Variants in VEPH1 observed in about 807,000 individuals in gnomAD.
VEPH1 encodes ventricular zone-expressed PH domain-containing protein homolog 1.
Under a neutral mutation model 85.2 loss-of-function variants are expected in VEPH1, and 80 were observed. The observed-to-expected ratio is 0.94, with a 90% CI of 0.78 to 1.13. VEPH1 has a LOEUF of 1.13. Among genes scored for constraint, VEPH1 ranks in the 50% most tolerant of loss-of-function variants. The pLI, the probability that VEPH1 is intolerant of heterozygous loss-of-function variation, is 0.00. For synonymous variants in VEPH1, 297 were observed against 348.0 expected (o/e 0.85, Z 1.63); for missense variants, 955 against 980.5 (o/e 0.97, Z 0.35).
chr3:157,479,688 C>G (rs1040954558), intron 2 of VEPH1, among the ~76,000 whole-genome samples: 5 of 152,204 alleles, frequency 3.3e-5, no homozygotes, highest in Admixed American at 2.0e-4. Context: ...CATCAGAATG[C>G]CCATGCTAAG....
chr3:157,388,116 G>A (rs968333392), intron 6 of VEPH1, among the ~76,000 whole-genome samples: 5 of 151,788 alleles, frequency 3.3e-5, no homozygotes, highest in Non-Finnish European at 7.4e-5. Flanking sequence ...ACTCTTTGAA[G>A]TCTCTACACA....
At chr3:157,342,692 G>A (rs1051634057) in intron 9 of VEPH1, among the ~76,000 whole-genome samples, 6 of 152,194 alleles carry the variant, frequency 3.9e-5, no homozygotes, top group Non-Finnish European at 5.9e-5. Context: ...GACATCTACA[G>A]AATTCTCCAC....
chr3:157,433,759 T>C (rs1733345370), intron 4 of VEPH1, among the ~76,000 whole-genome samples: 1 of 152,224 alleles, frequency 6.6e-6, no homozygotes, highest in Non-Finnish European at 1.5e-5. Flanking sequence ...AGCACATTCC[T>C]GAACACTCTA....
chr3:157,363,378 T>G lies in VEPH1; in HGVS notation c.1721A>C (p.Gln574Pro). 6.2e-7 allele frequency: 1 copy of G among 1,605,250 alleles called. No individual in the cohort carries two copies. The highest frequency in any genetic ancestry group is 8.5e-7 in the Non-Finnish European group (1 of 1,177,642). ...ACAACACTTACCTTCAATGGTACAC[T>G]GATCAGGGACTGGAATCTTCTTTCC... Reference protein sequence around the residue: ...EIGKKIPVPDQCTIEDTVRSC... With the variant: ...EIGKKIPVPDPCTIEDTVRSC... Residue 574 changes from glutamine to proline, a missense_variant, in exon 9 of 14, where the codon CAG becomes CCG. Gln to Pro is a moderately conservative substitution (Grantham distance 76). Transcript: ENST00000362010.
At chr3:157,439,893 G>A (rs1464658141) in intron 4 of VEPH1, among the ~76,000 whole-genome samples, 1 of 152,138 alleles carries the variant, frequency 6.6e-6, no homozygotes, top group Non-Finnish European at 1.5e-5. Context: ...TGGGACTACA[G>A]GTGCTCGCCA....
At chr3:157,434,515 G>A (rs968734277) in intron 4 of VEPH1, among the ~76,000 whole-genome samples, 3 of 152,134 alleles carry the variant, frequency 2.0e-5, no homozygotes, top group Middle Eastern at 3.4e-3. Flanking sequence ...GTCTTGCTAT[G>A]TTGATCAGGC....
chr3:157,294,261 C>T (rs1418813469), intron 11 of VEPH1, among the ~76,000 whole-genome samples: 1 of 152,156 alleles, frequency 6.6e-6, no homozygotes. Flanking sequence ...TTCCTTTATC[C>T]CTAATACCAC....
At chr3:157,424,133 C>T (rs767219737) in intron 5 of VEPH1, among the ~76,000 whole-genome samples, 70 of 152,090 alleles carry the variant, frequency 4.6e-4, no homozygotes, top group Non-Finnish European at 8.4e-4. Context: ...GGGGAAGTTT[C>T]CCCCAAACTG....
At chr3:157,375,168 G>C (rs1727946126) in intron 7 of VEPH1, among the ~76,000 whole-genome samples, 2 of 152,214 alleles carry the variant, frequency 1.3e-5, no homozygotes, top group Non-Finnish European at 2.9e-5. Flanking sequence ...AGAGGGGAAA[G>C]CTCCTAGCAC....
chr3:157,291,114 A>G (rs771444755), intron 11 of VEPH1, among the ~76,000 whole-genome samples: 5 of 152,232 alleles, frequency 3.3e-5, no homozygotes, highest in Admixed American at 6.5e-5. Context: ...GATACAAAAC[A>G]TAGGATTGCC....
intron 11 of VEPH1, among the ~76,000 whole-genome samples, chr3:157,303,827 G>C (rs528785897): frequency 6.6e-6 from 1 of 151,864 alleles, no homozygotes; most frequent in East Asian, 1.9e-4. Flanking sequence ...TCCTGGTTCT[G>C]AGCTCATAGC....
At position 157,466,373 on chromosome 3, in the gene VEPH1, C is replaced by T. The variant is rs183724190; in HGVS notation, c.354+3941G>A. 7.9e-5 allele frequency among the ~76,000 whole-genome samples: 12 copies of T among 152,214 alleles called. No homozygotes were observed. In the East Asian group the frequency reaches 1.4e-3, roughly 17 times the overall value. ...TAATAAAAGATCCTCTTCATGTGCA[C>T]CTACCACCACCAATTGGAAGTACTA... On this transcript the variant is annotated intron_variant, in intron 3 of 13. Coordinates refer to ENST00000362010, the MANE Select transcript of VEPH1 (RefSeq NM_001167912.2).
At position 157,272,374 on chromosome 3, in the gene VEPH1, CTTTTCTTTCTTTCTTT is replaced by C. The variant is rs1343365029; in HGVS notation, c.2129-6728_2129-6713del. Reference sequence around the variant, plus strand: ...TCTCTCTCTTTCTTTCTTTCTCTTTCTTTTCTTTCTTTCTTTCTTTCTTTCTTTCTTTCTTTCTTTC... The same window carrying C: ...TCTCTCTCTTTCTTTCTTTCTCTTTCCTTTCTTTCTTTCTTTCTTTCTTTC... On this transcript the variant is annotated intron_variant, in intron 12 of 13. Transcript: ENST00000362010. Among the ~76,000 whole-genome samples the C allele has an allele frequency of 1.8e-3, 157 of 89,070 alleles. 3 individuals carry two copies. Among genetic ancestry groups the C allele is most frequent in the African/African-American group, 6.0e-3 (153 of 25,586 alleles). The allele number at this position is 89,070 out of a possible 152,430, so 58.4% of individuals were successfully genotyped here.
At chr3:157,336,621 T>G (rs1261243605) in intron 9 of VEPH1, among the ~76,000 whole-genome samples, 1 of 152,180 alleles carries the variant, frequency 6.6e-6, no homozygotes, top group Non-Finnish European at 1.5e-5. Context: ...TTATTGCTAG[T>G]AGAGATAAAC....
At chr3:157,487,628 TAA>T (rs1275449904) in intron 2 of VEPH1, among the ~76,000 whole-genome samples, 1 of 152,100 alleles carries the variant, frequency 6.6e-6, no homozygotes, top group Non-Finnish European at 1.5e-5. Flanking sequence ...AAAGGACAAT[TAA>T]AGACCAATCT....
At chr3:157,433,633 A>G in intron 4 of VEPH1, among the ~76,000 whole-genome samples, 1 of 152,222 alleles carries the variant, frequency 6.6e-6, no homozygotes, top group Non-Finnish European at 1.5e-5. Flanking sequence ...TTTGGCTAAT[A>G]CTTTATTTAG....
chr3:157,448,881 T>A (rs971705846), intron 4 of VEPH1, among the ~76,000 whole-genome samples: 1 of 152,200 alleles, frequency 6.6e-6, no homozygotes, highest in Non-Finnish European at 1.5e-5. Context: ...AGGGACCCAG[T>A]GGGAGATACT....
At chr3:157,298,210 C>A (rs1718362180) in intron 11 of VEPH1, among the ~76,000 whole-genome samples, 1 of 152,192 alleles carries the variant, frequency 6.6e-6, no homozygotes, top group African/African-American at 2.4e-5. Context: ...TTCTTAACAA[C>A]CCTATGAGGG....
At chr3:157,372,703 G>A (rs1381688822) in intron 7 of VEPH1, among the ~76,000 whole-genome samples, 1 of 152,040 alleles carries the variant, frequency 6.6e-6, no homozygotes, top group East Asian at 1.9e-4. Flanking sequence ...ACTCACTGTA[G>A]TAAAGAACTA....
Sources: gnomAD v4.1 joint callset for allele counts (sites outside exome capture counted in the v4.1 genomes callset) on GRCh38, gnomAD v4.1.1 for gene constraint, MANE v1.5 for transcripts, NCBI Gene and HGNC (gene_info 2026-07-23, HGNC 2026-07-21) for gene names.